Variants in ADAM19 observed in about 807,000 individuals in gnomAD.
ADAM19 encodes ADAM metallopeptidase domain 19.
Under a neutral mutation model 114.7 loss-of-function variants are expected in ADAM19, and 65 were observed. The observed-to-expected ratio is 0.57, with a 90% confidence interval of 0.46 to 0.70. ADAM19 has a LOEUF of 0.70. Among genes scored for constraint, ADAM19 ranks in the 30% least tolerant of loss-of-function variants. ADAM19 has a pLI of 0.00. For missense variants in ADAM19, 1,063 were observed against 1,204.7 expected (o/e 0.88, Z 1.74); for synonymous variants, 466 against 460.5 (o/e 1.01, Z -0.15).
intron 4 of ADAM19, among the ~76,000 whole-genome samples, chr5:157,531,148 T>C (rs543863208): frequency 1.3e-5 from 2 of 152,186 alleles, no homozygotes; most frequent in African/African-American, 4.8e-5. Context: ...TTGCCCAAGG[T>C]CTCCCTGCTG....
At chr5:157,517,940 T>G (rs564307438) in intron 7 of ADAM19, among the ~76,000 whole-genome samples, 9 of 152,150 alleles carry the variant, frequency 5.9e-5, no homozygotes, top group African/African-American at 1.2e-4. Context: ...CCTGACAGTC[T>G]GGGATTCAGG....
intron 10 of ADAM19, 43 bp downstream of exon 10, chr5:157,507,013 G>C: frequency 1.3e-6 from 2 of 1,542,778 alleles, no homozygotes; most frequent in Non-Finnish European, 1.8e-6. Flanking sequence ...TTGAAAGGCA[G>C]CTCAGCGCCT....
rs151106437 is a variant in ADAM19, at chr5:157,573,094, T to C, written c.95-2114A>G. On this transcript the variant is annotated intron_variant, in intron 1 of 22. Coordinates refer to ENST00000257527, the MANE Select transcript of ADAM19 (RefSeq NM_033274.5). ...GGTGGCTCTGATAAGTCTATATTATTTTAAACAAAAAGGAATTCTATAATA... is the reference window on the plus strand; with the variant it reads ...GGTGGCTCTGATAAGTCTATATTATCTTAAACAAAAAGGAATTCTATAATA... Among the ~76,000 whole-genome samples the C allele has an allele frequency of 2.0e-3, 300 of 152,264 alleles. 2 individuals are homozygous for C. The Middle Eastern group carries it at 0.02, about 10-fold the overall frequency.
intron 3 of ADAM19, among the ~76,000 whole-genome samples, chr5:157,556,275 G>C (rs1462779410): frequency 8.2e-6 from 1 of 122,564 alleles, no homozygotes; most frequent in African/African-American, 3.1e-5. Flanking sequence ...CTGGAGTGCA[G>C]TGGCACAATC....
intron 1 of ADAM19, among the ~76,000 whole-genome samples, chr5:157,572,012 A>G (rs535962728): frequency 6.6e-6 from 1 of 152,268 alleles, no homozygotes; most frequent in African/African-American, 2.4e-5. Flanking sequence ...TCCACTTTCT[A>G]CTTCCCAAAT....
intron 21 of ADAM19, among the ~76,000 whole-genome samples, chr5:157,484,390 G>T (rs1004600287): frequency 2.0e-5 from 3 of 152,120 alleles, no homozygotes; most frequent in African/African-American, 7.2e-5. Context: ...TGCTCAACAC[G>T]TATTAGTTGA....
chr5:157,496,823 C>A (rs1041476959), intron 14 of ADAM19, 71 bp downstream of exon 14: 16 of 1,410,568 alleles, frequency 1.1e-5, no homozygotes, highest in Non-Finnish European at 1.5e-5. Flanking sequence ...TCCAAACTAC[C>A]CTGAGGGCCA....
At chr5:157,543,485 C>T (rs756302466) in intron 3 of ADAM19, among the ~76,000 whole-genome samples, 5 of 152,106 alleles carry the variant, frequency 3.3e-5, no homozygotes, top group Non-Finnish European at 5.9e-5. Flanking sequence ...CTTCACAGTG[C>T]CCCTGTAAGA....
chr5:157,566,140 A>C (rs1028117103), intron 2 of ADAM19: 4 of 151,892 alleles, frequency 2.6e-5, no homozygotes, highest in African/African-American at 9.7e-5. Flanking sequence ...TGAATAATGA[A>C]ATGTAACCTA....
At chr5:157,531,729 A>G (rs1037037207) in intron 4 of ADAM19, among the ~76,000 whole-genome samples, 1 of 152,066 alleles carries the variant, frequency 6.6e-6, no homozygotes, top group Non-Finnish European at 1.5e-5. Flanking sequence ...CCTAAATCCA[A>G]TGATTTGTGT....
chr5:157,484,553 A>C (rs1341057044), intron 21 of ADAM19, among the ~76,000 whole-genome samples: 1 of 152,198 alleles, frequency 6.6e-6, no homozygotes, highest in African/African-American at 2.4e-5. Context: ...ACCACGTATT[A>C]AAGTGGACAA....
chr5:157,572,414 C>G, intron 1 of ADAM19: 1 of 348,126 alleles, frequency 2.9e-6, no homozygotes, highest in Admixed American at 3.3e-5. Context: ...GACTGGTCTC[C>G]GTAGTGTTCC....
rs772932136 is a variant in ADAM19 at position 157,505,670 on chromosome 5, C to T, written c.1129G>A (p.Gly377Arg). 7 of 1,613,834 alleles carry T rather than the reference C, an allele frequency of 4.3e-6. No homozygotes were observed. The highest frequency in any genetic ancestry group is 5.9e-6 in the Non-Finnish European group (7 of 1,179,910). Residue 377 changes from glycine to arginine, a missense_variant and splice_region_variant, in exon 11 of 23, where the codon GGG (glycine) becomes AGG (arginine). Gly to Arg is a moderately radical substitution (Grantham distance 125, BLOSUM62 -2). Transcript: ENST00000257527. ...CCTCCCTCTTGCTGTTTGACTCACCCAGTGGCAGCTGCCATGATGCACCCA... is the reference window on the plus strand; with the variant it reads ...CCTCCCTCTTGCTGTTTGACTCACCTAGTGGCAGCTGCCATGATGCACCCA... Reference protein sequence around the residue: ...DGGCIMAAATGHPFPKVFNGC... With the variant: ...DGGCIMAAATRHPFPKVFNGC...
At chr5:157,494,990 A>C (rs906045407) in intron 14 of ADAM19, among the ~76,000 whole-genome samples, 195 bp from the exon 15 acceptor site, 1 of 151,522 alleles carries the variant, frequency 6.6e-6, no homozygotes, top group African/African-American at 2.4e-5. Flanking sequence ...TTTTATATAA[A>C]TCCTTTTTTT....
intron 11 of ADAM19, among the ~76,000 whole-genome samples, chr5:157,503,232 T>C (rs1367461584): frequency 6.6e-6 from 1 of 152,190 alleles, no homozygotes; most frequent in Non-Finnish European, 1.5e-5. Context: ...CTCAGCAAAC[T>C]ATTGCAAGGA....
chr5:157,504,123 A>G (rs910034599), intron 11 of ADAM19, among the ~76,000 whole-genome samples: 2 of 152,268 alleles, frequency 1.3e-5, no homozygotes, highest in Admixed American at 6.5e-5. Context: ...AGTAATCAAT[A>G]TAACTCTCAA....
At chr5:157,493,415 A>G (rs1755241460) in intron 15 of ADAM19, among the ~76,000 whole-genome samples, 2 of 152,226 alleles carry the variant, frequency 1.3e-5, no homozygotes, top group Admixed American at 6.5e-5. Context: ...CTGGCCTCGA[A>G]AAGTCCTTAA....
intron 3 of ADAM19, among the ~76,000 whole-genome samples, chr5:157,561,209 T>C (rs888093720): frequency 3.3e-5 from 5 of 152,354 alleles, no homozygotes; most frequent in South Asian, 2.1e-4. Context: ...GGCTGCCGGC[T>C]GCCGCGCTAT....
intron 5 of ADAM19, among the ~76,000 whole-genome samples, chr5:157,530,270 C>A (rs533629829): frequency 1.3e-5 from 2 of 152,314 alleles, no homozygotes; most frequent in South Asian, 4.1e-4. Context: ...TCCCTAATCA[C>A]CCCAGAACCA....
Sources: gnomAD v4.1 joint callset for allele counts (sites outside exome capture counted in the v4.1 genomes callset) on GRCh38, gnomAD v4.1.1 for gene constraint, MANE v1.5 for transcripts, NCBI Gene and HGNC (gene_info 2026-07-23, HGNC 2026-07-21) for gene names.